The following ASTN1 variants were observed in gnomAD, a reference collection of about 807,000 sequenced individuals.
ASTN1 encodes the protein astrotactin 1.
A neutral mutation model predicts 140.7 loss-of-function variants in ASTN1; 41 were observed. The observed-to-expected ratio is 0.29, with a 90% CI of 0.23 to 0.38. The LOEUF is 0.38. Among genes scored for constraint, ASTN1 ranks in the 10% least tolerant of loss-of-function variants. The pLI, the probability that ASTN1 is intolerant of heterozygous loss-of-function variation, is 1.00. For missense variants in ASTN1, 1,479 were observed against 1,678.8 expected (o/e 0.88, Z 2.08); for synonymous variants, 640 against 652.2 (o/e 0.98, Z 0.29).
chr1:177,119,124 T>C (rs1051351360), intron 1 of ASTN1, among the ~76,000 whole-genome samples: 2 of 152,096 alleles, frequency 1.3e-5, no homozygotes, highest in Admixed American at 1.3e-4. Context: ...AGCACCTAAA[T>C]CCACTCATCT....
intron 20 of ASTN1, among the ~76,000 whole-genome samples, chr1:176,877,839 G>T (rs2861880): frequency 0.31 from 47,688 of 152,064 alleles, 8,991 homozygotes; most frequent in East Asian, 0.73. Flanking sequence ...AAAGGAGAGA[G>T]AGGCCCCAAG....
At chr1:176,910,308 C>T (rs1670176917) in intron 16 of ASTN1, among the ~76,000 whole-genome samples, 2 of 152,126 alleles carry the variant, frequency 1.3e-5, no homozygotes, top group Non-Finnish European at 2.9e-5. Flanking sequence ...TCTTTTTAGG[C>T]CTTTCTTGTG....
At chr1:177,156,029 T>C (rs1683218530) in intron 1 of ASTN1, among the ~76,000 whole-genome samples, 1 of 151,968 alleles carries the variant, frequency 6.6e-6, no homozygotes, top group Admixed American at 6.6e-5. Context: ...CCTAGCACTT[T>C]GGGAGGCTGA....
intron 1 of ASTN1, among the ~76,000 whole-genome samples, chr1:177,113,578 T>C (rs1375832423): frequency 1.3e-5 from 2 of 152,182 alleles, no homozygotes; most frequent in Non-Finnish European, 2.9e-5. Context: ...ACTTGTTCTA[T>C]CTTCCCCCTG....
chr1:176,964,867 A>G (rs1273164226), intron 9 of ASTN1, among the ~76,000 whole-genome samples: 1 of 152,116 alleles, frequency 6.6e-6, no homozygotes, highest in East Asian at 1.9e-4. Context: ...CCAGGCATGT[A>G]ATATAGCCCC....
chr1:177,089,121 C>T (rs1217816480), intron 1 of ASTN1, among the ~76,000 whole-genome samples: 1 of 152,054 alleles, frequency 6.6e-6, no homozygotes, highest in African/African-American at 2.4e-5. Context: ...TAGCTACAGC[C>T]AGTTATTTGC....
chr1:177,063,023 G>T (rs1404190654), intron 1 of ASTN1, among the ~76,000 whole-genome samples: 1 of 152,174 alleles, frequency 6.6e-6, no homozygotes, highest in Non-Finnish European at 1.5e-5. Context: ...GATGATACTG[G>T]TAATGGGTTT....
At chr1:177,109,852 T>A (rs1212801331) in intron 1 of ASTN1, among the ~76,000 whole-genome samples, 1 of 152,204 alleles carries the variant, frequency 6.6e-6, no homozygotes, top group Non-Finnish European at 1.5e-5. Flanking sequence ...CTGCTTTGGG[T>A]GGAAGAGCTT....
Position 176,888,204 on chromosome 1 carries a change from G to A in ASTN1, c.2941C>T (p.Leu981Phe). 1.2e-6 allele frequency: 2 copies of A among 1,613,886 alleles called. No individual in the cohort carries two copies. Among genetic ancestry groups the A allele is most frequent in the Non-Finnish European group, 1.7e-6 (2 of 1,179,962 alleles). The change falls in exon 18 of 23, where the codon CTC (leucine) becomes TTC (phenylalanine). Residue 981 changes from leucine to phenylalanine, a missense_variant and splice_region_variant. By Grantham distance (22) the Leu-to-Phe change is conservative (BLOSUM62 0). Coordinates refer to ENST00000361833, the MANE Select transcript of ASTN1 (RefSeq NM_004319.3). ...GAGCTCATGGTAGCCTCCTGCAAGAGCTGCATAAGAGAACAGGGAAAAGAT... is the reference window on the plus strand; with the variant it reads ...GAGCTCATGGTAGCCTCCTGCAAGAACTGCATAAGAGAACAGGGAAAAGAT... Reference protein sequence around the residue: ...ELVTNNQTQRLLQEATMSSLW... With the variant: ...ELVTNNQTQRFLQEATMSSLW...
At chr1:176,999,767 C>G (rs1264095548) in intron 8 of ASTN1, among the ~76,000 whole-genome samples, 1 of 152,020 alleles carries the variant, frequency 6.6e-6, no homozygotes, top group East Asian at 1.9e-4. Context: ...ATATTGTTCT[C>G]GGGATAGTGA....
At position 176,958,363 on chromosome 1, in the gene ASTN1, T is replaced by A; in HGVS notation, c.1718A>T (p.Glu573Val). ...AKCKTDMTVMEDAVEVREELM... is the reference protein window; with the variant it reads ...AKCKTDMTVMVDAVEVREELM... ...GACTCACCTGACCTCCACAGCATCC[T>A]CCATCACAGTCATGTCCGTCTTGCA... The change falls in exon 10 of 23, where the codon GAG becomes GTG. Residue 573 changes from glutamate (E) to valine (V), a missense_variant. Transcript: ENST00000361833. The A allele has an allele frequency of 6.2e-7, 1 of 1,613,996 alleles. No homozygotes were observed. The highest frequency in any genetic ancestry group is 8.5e-7 in the Non-Finnish European group (1 of 1,179,920).
intron 11 of ASTN1, among the ~76,000 whole-genome samples, chr1:176,954,934 G>T (rs1672337258): frequency 6.6e-6 from 1 of 152,194 alleles, no homozygotes; most frequent in Middle Eastern, 3.2e-3. Context: ...GCATAACTGA[G>T]AAACATGTCC....
At chr1:177,139,032 C>A (rs542255309) in intron 1 of ASTN1, among the ~76,000 whole-genome samples, 6 of 152,322 alleles carry the variant, frequency 3.9e-5, no homozygotes, top group Admixed American at 3.9e-4. Flanking sequence ...CATTGAAAAA[C>A]CTTTCCTGGT....
intron 8 of ASTN1, among the ~76,000 whole-genome samples, chr1:176,985,491 A>G (rs1673848873): frequency 1.3e-5 from 2 of 152,116 alleles, no homozygotes; most frequent in Admixed American, 1.3e-4. Context: ...AATGGAGCCA[A>G]TCAAACAAAG....
chr1:176,866,982 GACTAATGAA>G (rs1668145868), intron 22 of ASTN1, among the ~76,000 whole-genome samples: 2 of 152,140 alleles, frequency 1.3e-5, no homozygotes, highest in Non-Finnish European at 2.9e-5. Context: ...ATTTCCTGCA[GACTAATGAA>G]ACTACACAAT....
At chr1:176,917,455 G>A (rs951520104) in intron 16 of ASTN1, among the ~76,000 whole-genome samples, 4 of 152,130 alleles carry the variant, frequency 2.6e-5, no homozygotes, top group South Asian at 4.2e-4. Flanking sequence ...TGGCACCCCC[G>A]TGGGAAGACG....
intron 9 of ASTN1, among the ~76,000 whole-genome samples, chr1:176,963,785 C>A (rs1362015220): frequency 1.3e-5 from 2 of 152,120 alleles, no homozygotes; most frequent in Non-Finnish European, 2.9e-5. Flanking sequence ...GCTTTGAAGT[C>A]CTGGAAGACC....
At chr1:177,046,489 G>A (rs1677230547) in intron 2 of ASTN1, among the ~76,000 whole-genome samples, 1 of 152,138 alleles carries the variant, frequency 6.6e-6, no homozygotes, top group African/African-American at 2.4e-5. Flanking sequence ...TTGCCCAGAA[G>A]GCTGAGTCAG....
At chr1:176,909,030 A>C (rs946754069) in intron 16 of ASTN1, among the ~76,000 whole-genome samples, 4 of 152,176 alleles carry the variant, frequency 2.6e-5, no homozygotes, top group African/African-American at 9.7e-5. Context: ...ACCAAAGCCA[A>C]GCCCAGAGGG....
Sources: gnomAD v4.1 joint callset for allele counts (sites outside exome capture counted in the v4.1 genomes callset) on GRCh38, gnomAD v4.1.1 for gene constraint, MANE v1.5 for transcripts, NCBI Gene and HGNC (gene_info 2026-07-23, HGNC 2026-07-21) for gene names.